Variants in TENM3 observed in about 807,000 individuals in gnomAD.
TENM3 encodes the protein teneurin-3.
In TENM3, 63 loss-of-function variants were observed where a neutral mutation model predicts 255.1. That is an observed-to-expected ratio of 0.25 (90% CI 0.20 to 0.30). The LOEUF (loss-of-function observed/expected upper bound fraction) is 0.30, where lower values mean the gene tolerates loss of function less well. Ranked by LOEUF, TENM3 falls within the 10% of genes least tolerant of loss-of-function variation. TENM3 has a pLI of 1.00. For missense variants in TENM3, 2,929 were observed against 3,461.1 expected, an observed-to-expected ratio of 0.85 and a Z score of 3.86; for synonymous variants, 1,306 against 1,322.3, an observed-to-expected ratio of 0.99 and a Z score of 0.27.
chr4:182,754,115 T>C lies in TENM3; in HGVS notation c.4018-270T>C, dbSNP rs966098351. Among the ~76,000 whole-genome samples, 1 of 152,236 alleles carries C rather than the reference T, an allele frequency of 6.6e-6. No individual in the cohort carries two copies. Among genetic ancestry groups the C allele is most frequent in the Non-Finnish European group, 1.5e-5 (1 of 68,044 alleles). ...CATGTGTGTTCATAGCTCATCGATA[T>C]CTGTTGACTCACTACGTAGAGGCCT... On this transcript the variant is annotated intron_variant, in intron 21 of 27. Transcript: ENST00000511685. This position sits in a 1 kb window ranked among gnomAD's most constrained non-coding sequence, Gnocchi z 5.1.
chr4:181,634,891 G>C, the TENM3 span, among the ~76,000 whole-genome samples: 1 of 152,064 alleles, frequency 6.6e-6, no homozygotes, highest in East Asian at 1.9e-4. Context: ...TTATTTTGAA[G>C]TAAGCATCCT....
chr4:181,653,769 A>C, the TENM3 span, among the ~76,000 whole-genome samples: 1 of 150,000 alleles, frequency 6.7e-6, no homozygotes, highest in Non-Finnish European at 1.5e-5. Context: ...ATAGGTATAC[A>C]TGTGCCATGG....
chr4:181,533,862 T>C, the TENM3 span, among the ~76,000 whole-genome samples: 6 of 152,298 alleles, frequency 3.9e-5, no homozygotes, highest in African/African-American at 1.2e-4. Flanking sequence ...CCATCTTGGG[T>C]TCCCCATTAT....
chr4:181,789,281 A>G, the TENM3 span, among the ~76,000 whole-genome samples: 1 of 143,370 alleles, frequency 7.0e-6, no homozygotes, highest in African/African-American at 2.5e-5. Flanking sequence ...TTTGAGATGG[A>G]GTCTTACTCT....
intron 1 of TENM3, among the ~76,000 whole-genome samples, chr4:182,244,078 C>G (rs375952867): frequency 4.0e-5 from 6 of 151,276 alleles, no homozygotes; most frequent in Non-Finnish European, 5.9e-5. Flanking sequence ...CTCAGCCTCC[C>G]GAGTAGCTGG....
intron 11 of TENM3, among the ~76,000 whole-genome samples, chr4:182,685,220 TC>T (rs1177128421): frequency 1.3e-5 from 2 of 152,102 alleles, no homozygotes; most frequent in Non-Finnish European, 2.9e-5. Context: ...CTTCCTTCCT[TC>T]CTCCTTCTCT....
chr4:181,954,774 A>G, the TENM3 span, among the ~76,000 whole-genome samples: 32 of 152,206 alleles, frequency 2.1e-4, no homozygotes, highest in African/African-American at 4.6e-4. Flanking sequence ...ATATATGCCT[A>G]TCCCAAAGTC....
At chr4:181,918,807 A>C in the TENM3 span, among the ~76,000 whole-genome samples, 1 of 152,202 alleles carries the variant, frequency 6.6e-6, no homozygotes, top group Non-Finnish European at 1.5e-5. Flanking sequence ...ATAAATTGAC[A>C]ATCTCAATTC....
chr4:182,398,126 G>C (rs1411840043), intron 3 of TENM3, among the ~76,000 whole-genome samples: 1 of 152,184 alleles, frequency 6.6e-6, no homozygotes, highest in Non-Finnish European at 1.5e-5. Flanking sequence ...CAGGAGCAGG[G>C]CAGAAGCTCA....
At chr4:181,939,723 C>A in the TENM3 span, among the ~76,000 whole-genome samples, 5 of 152,210 alleles carry the variant, frequency 3.3e-5, no homozygotes, top group Non-Finnish European at 7.3e-5. Flanking sequence ...GCGCTCAGCA[C>A]ATGGCAGGGG....
chr4:182,558,260 G>C (rs958084390), intron 3 of TENM3, among the ~76,000 whole-genome samples: 1 of 152,182 alleles, frequency 6.6e-6, no homozygotes, highest in African/African-American at 2.4e-5. Context: ...CTTTGAATGT[G>C]CACAGCATCT....
the TENM3 span, among the ~76,000 whole-genome samples, chr4:181,885,701 C>G: frequency 2.0e-5 from 3 of 152,126 alleles, no homozygotes; most frequent in South Asian, 6.2e-4. Flanking sequence ...AGGTTTATAT[C>G]AAATAACATC....
At chr4:182,325,538 T>G (rs1763335999) in intron 2 of TENM3, among the ~76,000 whole-genome samples, 1 of 152,238 alleles carries the variant, frequency 6.6e-6, no homozygotes, top group Non-Finnish European at 1.5e-5. Context: ...ATTTGAGGTA[T>G]GTACTCTTAG....
At chr4:181,629,802 T>A in the TENM3 span, among the ~76,000 whole-genome samples, 1 of 152,334 alleles carries the variant, frequency 6.6e-6, no homozygotes, top group Non-Finnish European at 1.5e-5. Context: ...ATTCTCTTTT[T>A]TTTGTTGTAT....
chr4:182,625,388 G>A (rs1561022775), intron 4 of TENM3, among the ~76,000 whole-genome samples: 1 of 152,066 alleles, frequency 6.6e-6, no homozygotes. Flanking sequence ...GAGCACAAAC[G>A]CTGTTGTGAA....
chr4:182,786,966 A>T (rs1765712916), intron 24 of TENM3, among the ~76,000 whole-genome samples: 1 of 152,218 alleles, frequency 6.6e-6, no homozygotes. Flanking sequence ...GAGGCATCCA[A>T]AATTAGAGTG....
At chr4:181,893,886 A>G in the TENM3 span, among the ~76,000 whole-genome samples, 15 of 152,202 alleles carry the variant, frequency 9.9e-5, no homozygotes, top group Non-Finnish European at 2.9e-5. Context: ...TAAAATATGT[A>G]TATTTTAGAG....
At chr4:182,797,945 A>G (rs1766616744) in intron 27 of TENM3, among the ~76,000 whole-genome samples, 1 of 152,020 alleles carries the variant, frequency 6.6e-6, no homozygotes, top group Non-Finnish European at 1.5e-5. Flanking sequence ...CTTTTTCATA[A>G]GTTACAAATA....
chr4:181,930,717 A>G, the TENM3 span, among the ~76,000 whole-genome samples: 1 of 152,202 alleles, frequency 6.6e-6, no homozygotes, highest in African/African-American at 2.4e-5. Flanking sequence ...CAACAAAAAA[A>G]GAAAACTTCA....
Sources: gnomAD v4.1 joint callset for allele counts (sites outside exome capture counted in the v4.1 genomes callset) on GRCh38, gnomAD v4.1.1 for gene constraint, Gnocchi (gnomAD v3.1) non-coding constraint, MANE v1.5 for transcripts, NCBI Gene and HGNC (gene_info 2026-07-23, HGNC 2026-07-21) for gene names.